Variants in ACOT7 observed in about 807,000 individuals in gnomAD.
ACOT7 encodes the protein acyl-CoA thioesterase 7.
Under a neutral mutation model 40.2 loss-of-function variants are expected in ACOT7, and 12 were observed. That is an observed-to-expected ratio of 0.30 (90% CI 0.19 to 0.48). The LOEUF (loss-of-function observed/expected upper bound fraction) is 0.48, where lower values mean the gene tolerates loss of function less well. Ranked by LOEUF, ACOT7 falls within the 20% of genes least tolerant of loss-of-function variation. The pLI, the probability that ACOT7 is intolerant of heterozygous loss-of-function variation, is 0.99. For synonymous variants in ACOT7, 228 were observed against 219.5 expected (o/e 1.04, Z -0.34); for missense variants, 395 against 530.8 (o/e 0.74, Z 2.51).
rs1557639517 is a variant in ACOT7, at chr1:6,301,103, T to A, written c.713-6123A>T. On this transcript the variant is annotated intron_variant, in intron 6 of 8. Coordinates refer to ENST00000361521, the MANE Select transcript of ACOT7 (RefSeq NM_007274.4). The surrounding 1 kb of genome is among the most constrained non-coding windows in gnomAD (Gnocchi z 4.1). The stretch of plus-strand genomic sequence containing the variant: ...AGCGTTCAAAGTCACAGACCCAGAG[T>A]GTCCAGTGCTGGCCACCAGCTGGTG... Among the ~76,000 whole-genome samples, 1 of 152,080 alleles carries A rather than the reference T, an allele frequency of 6.6e-6. No individual in the cohort carries two copies. The highest frequency in any genetic ancestry group is 2.1e-4 in the South Asian group (1 of 4,818).
chr1:6,299,481 C>A lies in ACOT7; in HGVS notation c.713-4501G>T, dbSNP rs1338782637. ...GGACAGTTGGCCTCCCCTTACCAGG[C>A]ACCACACACAGAGGGCATAGAGGAC... On this transcript the variant is annotated intron_variant, in intron 6 of 8. Transcript: ENST00000361521. The surrounding 1 kb of genome is among the most constrained non-coding windows in gnomAD (Gnocchi z 4.1). Among the ~76,000 whole-genome samples, 3 of 152,044 alleles carry A rather than the reference C, an allele frequency of 2.0e-5. No homozygotes were observed. The highest frequency in any genetic ancestry group is 4.4e-5 in the Non-Finnish European group (3 of 68,014).
At position 6,282,092 on chromosome 1, in the gene ACOT7, C is replaced by T. The variant is rs553236493; in HGVS notation, c.830-806G>A. 2.8e-4 allele frequency among the ~76,000 whole-genome samples: 43 copies of T among 152,242 alleles called. No individual in the cohort carries two copies. The highest frequency in any genetic ancestry group is 8.2e-4 in the African/African-American group (34 of 41,542). On this transcript the variant is annotated intron_variant, in intron 7 of 8. Transcript: ENST00000361521. The surrounding 1 kb of genome is among the most constrained non-coding windows in gnomAD (Gnocchi z 4.5). Reference sequence around the variant, plus strand: ...CTCAACCCTAACCAACCTCTCTGTACGCCCCACGCTCCCCAGGGCACGACA... The same window carrying T: ...CTCAACCCTAACCAACCTCTCTGTATGCCCCACGCTCCCCAGGGCACGACA...
chr1:6,305,995 C>G (rs1425096062), intron 6 of ACOT7, among the ~76,000 whole-genome samples: 1 of 151,862 alleles, frequency 6.6e-6, no homozygotes, highest in Non-Finnish European at 1.5e-5. Flanking sequence ...GAGACCAGCC[C>G]GGCCAACACA....
At chr1:6,372,913 G>C (rs892911251) in intron 1 of ACOT7, among the ~76,000 whole-genome samples, 1 of 152,050 alleles carries the variant, frequency 6.6e-6, no homozygotes, top group African/African-American at 2.4e-5. Context: ...CTAGAGGTAG[G>C]GTATTAATTG....
chr1:6,393,429 G>C lies in ACOT7; in HGVS notation c.-30C>G. 3.3e-6 allele frequency: 4 copies of C among 1,206,224 alleles called. No homozygotes were observed. Among genetic ancestry groups the C allele is most frequent in the Non-Finnish European group, 3.1e-6 (3 of 973,488 alleles). The allele number at this position is 1,206,224 out of a possible 1,614,324, so 74.7% of individuals were successfully genotyped here. On this transcript the variant is annotated 5_prime_UTR_variant, in exon 1 of 9. Coordinates refer to ENST00000361521, the MANE Select transcript of ACOT7 (RefSeq NM_007274.4). ...GGGGAGGGCAGAGGTGGAGCGATGGGGCTGGTGAGGCGGGGCCTGCGCGCC... is the reference window on the plus strand; with the variant it reads ...GGGGAGGGCAGAGGTGGAGCGATGGCGCTGGTGAGGCGGGGCCTGCGCGCC...
In ACOT7 at chr1:6,306,205, G is replaced by GAA; in HGVS notation, c.713-11226_713-11225insTT. Reference sequence around the variant, plus strand: ...CAAGAGAGGGAGAGGGAGACCGTGGGGAGAGGGGGAGGGGGAGGGGGAGAG... The same window carrying GAA: ...CAAGAGAGGGAGAGGGAGACCGTGGGAAGAGAGGGGGAGGGGGAGGGGGAGAG... On this transcript the variant is annotated intron_variant, in intron 6 of 8. Transcript: ENST00000361521. This position sits in a 1 kb window ranked among gnomAD's most constrained non-coding sequence, Gnocchi z 4.3. 1 of 945,692 alleles carries GAA rather than the reference G, an allele frequency of 1.1e-6. No individual in the cohort carries two copies. The allele number at this position is 945,692 out of a possible 1,614,324, so 58.6% of individuals were successfully genotyped here. A position where few individuals can be genotyped will look rare whatever the true frequency, so the allele number is the denominator to read the frequency against.
At chr1:6,333,275 C>A (rs1020010435) in intron 4 of ACOT7, among the ~76,000 whole-genome samples, 18 of 152,250 alleles carry the variant, frequency 1.2e-4, no homozygotes, top group Non-Finnish European at 5.9e-5. Context: ...TCCTCGGAGG[C>A]AGGACAGAAA....
chr1:6,296,764 G>T (rs899486775), intron 6 of ACOT7, among the ~76,000 whole-genome samples: 2 of 152,036 alleles, frequency 1.3e-5, no homozygotes, highest in Non-Finnish European at 2.9e-5. Flanking sequence ...CAGAGATGGG[G>T]TCTTGCTATA....
At chr1:6,314,443 G>T (rs1343799652) in intron 6 of ACOT7, among the ~76,000 whole-genome samples, 2 of 151,990 alleles carry the variant, frequency 1.3e-5, no homozygotes, top group Non-Finnish European at 2.9e-5. Context: ...ATGGCCAAAA[G>T]TTGAGAAGTG....
At chr1:6,267,060 G>A (rs914001363) in intron 8 of ACOT7, among the ~76,000 whole-genome samples, 3 of 152,234 alleles carry the variant, frequency 2.0e-5, no homozygotes, top group Non-Finnish European at 4.4e-5. Context: ...GCCCTCCACA[G>A]AGAGGAAAGA....
rs965472302 is a variant in ACOT7 at position 6,330,080 on chromosome 1, T to A, written c.511-2667A>T. Among the ~76,000 whole-genome samples, 1 of 152,214 alleles carries A rather than the reference T, an allele frequency of 6.6e-6. No individual in the cohort carries two copies. Among genetic ancestry groups the A allele is most frequent in the Admixed American group, 6.5e-5 (1 of 15,280 alleles). On this transcript the variant is annotated intron_variant, in intron 4 of 8. Coordinates refer to ENST00000361521, the MANE Select transcript of ACOT7 (RefSeq NM_007274.4). The surrounding 1 kb of genome is among the most constrained non-coding windows in gnomAD (Gnocchi z 4.6). ...TGTGTGTGTGTGGTGTGTGTGTGTG[T>A]GTGCGTGTTCAAGATATCTACATGC...
chr1:6,353,879 A>G (rs1641665565), intron 1 of ACOT7, among the ~76,000 whole-genome samples: 1 of 151,784 alleles, frequency 6.6e-6, no homozygotes, highest in Admixed American at 6.6e-5. Context: ...CAAGCTGCCC[A>G]GGGTGGGGCC....
intron 6 of ACOT7, among the ~76,000 whole-genome samples, chr1:6,313,266 A>T (rs768812943): frequency 6.6e-6 from 1 of 152,230 alleles, no homozygotes; most frequent in African/African-American, 2.4e-5. Flanking sequence ...CTGGAAGATC[A>T]AGGATAGGCC....
At chr1:6,382,329 G>A (rs1018569891) in intron 1 of ACOT7, among the ~76,000 whole-genome samples, 3 of 151,794 alleles carry the variant, frequency 2.0e-5, no homozygotes, top group East Asian at 3.9e-4. Context: ...GCTTGAATCC[G>A]GGAGGCGGAG....
chr1:6,323,633 G>A (rs1161363114), intron 5 of ACOT7, among the ~76,000 whole-genome samples: 6 of 147,950 alleles, frequency 4.1e-5, no homozygotes, highest in Admixed American at 2.1e-4. Context: ...CACCAGAATC[G>A]CTTGAACCCA....
At chr1:6,276,996 C>A (rs374204505) in intron 8 of ACOT7, among the ~76,000 whole-genome samples, 45 of 152,196 alleles carry the variant, frequency 3.0e-4, no homozygotes, top group African/African-American at 8.4e-4. Context: ...GACCACCCCC[C>A]CCCAGGGTAT....
Position 6,278,119 on chromosome 1 carries a change from C to T in ACOT7, c.1014+2983G>A, listed in dbSNP as rs1639251694. 1.3e-5 allele frequency among the ~76,000 whole-genome samples: 2 copies of T among 151,950 alleles called. No individual in the cohort carries two copies. The highest frequency in any genetic ancestry group is 2.1e-4 in the South Asian group (1 of 4,810). ...GGGAGGGGGTCTGGGGTGGCGGAGGCGACGCTTCTCTAGAGCGGTTGTGGG... is the reference window on the plus strand; with the variant it reads ...GGGAGGGGGTCTGGGGTGGCGGAGGTGACGCTTCTCTAGAGCGGTTGTGGG... On this transcript the variant is annotated intron_variant, in intron 8 of 8. Transcript: ENST00000361521. This position sits in a 1 kb window ranked among gnomAD's most constrained non-coding sequence, Gnocchi z 4.1.
rs1641804835 is a variant in ACOT7 at position 6,358,302 on chromosome 1, T to G, written c.144-8436A>C. Reference sequence around the variant, plus strand: ...GTGCCAAGGAAAGTTCCAGCAGCACTTGCAGGCCCCCAAGCAGGACGGGGG... The same window carrying G: ...GTGCCAAGGAAAGTTCCAGCAGCACGTGCAGGCCCCCAAGCAGGACGGGGG... On this transcript the variant is annotated intron_variant, in intron 1 of 8. Coordinates refer to ENST00000361521, the MANE Select transcript of ACOT7 (RefSeq NM_007274.4). The surrounding 1 kb of genome is among the most constrained non-coding windows in gnomAD (Gnocchi z 4.1). Among the ~76,000 whole-genome samples the G allele has an allele frequency of 6.6e-6, 1 of 152,040 alleles. No homozygotes were observed. The highest frequency in any genetic ancestry group is 2.1e-4 in the South Asian group (1 of 4,828).
chr1:6,358,896 G>A lies in ACOT7; in HGVS notation c.144-9030C>T. On this transcript the variant is annotated intron_variant, in intron 1 of 8. Coordinates refer to ENST00000361521, the MANE Select transcript of ACOT7 (RefSeq NM_007274.4). The surrounding 1 kb of genome is among the most constrained non-coding windows in gnomAD (Gnocchi z 4.1). ...ATGCAGAGAAAGGCGAGGGAGCAGG[G>A]AAGCATCACAGAGTCCTTGCCTGAC... is the stretch of plus-strand genomic sequence containing the variant. 1.2e-6 allele frequency: 2 copies of A among 1,610,314 alleles called. No individual in the cohort carries two copies. Among genetic ancestry groups the A allele is most frequent in the Non-Finnish European group, 1.7e-6 (2 of 1,178,176 alleles).
Sources: gnomAD v4.1 joint callset for allele counts (sites outside exome capture counted in the v4.1 genomes callset) on GRCh38, gnomAD v4.1.1 for gene constraint, Gnocchi (gnomAD v3.1) non-coding constraint, MANE v1.5 for transcripts, NCBI Gene and HGNC (gene_info 2026-07-23, HGNC 2026-07-21) for gene names.